LIMCH1: variants seen among roughly 807,000 people sequenced by gnomAD.
LIMCH1 encodes LIM and calponin homology domains 1, also known as LIM and calponin homology domains-containing protein 1.
LIMCH1 carries 113 observed loss-of-function variants against 176.5 expected under a neutral mutation model. That is an observed-to-expected ratio of 0.64 (90% CI 0.55 to 0.75). LIMCH1 has a LOEUF of 0.75. LIMCH1 is among the 30% of genes least tolerant of loss of function. LIMCH1 has a pLI of 0.00. For missense variants in LIMCH1, 1,674 were observed against 1,814.9 expected (o/e 0.92, Z 1.41); for synonymous variants, 619 against 645.9 (o/e 0.96, Z 0.63).
intron 2 of LIMCH1, among the ~76,000 whole-genome samples, chr4:41,507,845 A>G (rs1211827532): frequency 8.3e-6 from 1 of 120,170 alleles, no homozygotes; most frequent in Admixed American, 1.1e-4. Flanking sequence ...CAATCAAATC[A>G]TGTAATGGTG....
chr4:41,677,658 C>T (rs926816694), intron 23 of LIMCH1, among the ~76,000 whole-genome samples: 4 of 152,124 alleles, frequency 2.6e-5, no homozygotes, highest in African/African-American at 9.7e-5. Context: ...TCAAACAGCA[C>T]TTCAGAGTAT....
intron 1 of LIMCH1, among the ~76,000 whole-genome samples, chr4:41,546,892 C>T (rs1050309772): frequency 3.3e-5 from 5 of 151,844 alleles, no homozygotes; most frequent in East Asian, 1.9e-4. Context: ...AGGTTGAGAC[C>T]GAGATTGAGA....
chr4:41,662,784 T>C, intron 19 of LIMCH1, 37 bp from the exon 20 acceptor site: 1 of 1,609,870 alleles, frequency 6.2e-7, no homozygotes, highest in South Asian at 1.1e-5. Context: ...TGATTTTCTT[T>C]TCCTTCTGTA....
In LIMCH1 at chr4:41,653,487, C is replaced by A. The variant is rs548835848; in HGVS notation, c.3036+2879C>A. Among the ~76,000 whole-genome samples, 221 of 152,314 alleles carry A rather than the reference C, an allele frequency of 1.5e-3. 1 individual carries two copies. The highest frequency in any genetic ancestry group is 1.6e-3 in the Non-Finnish European group (107 of 68,026). ...CACTTGCCTGATTCTGTGGGGCTGTCAAAAGATTAGTGTTCTTCTTTTTAA... is the reference window on the plus strand; with the variant it reads ...CACTTGCCTGATTCTGTGGGGCTGTAAAAAGATTAGTGTTCTTCTTTTTAA... On this transcript the variant is annotated intron_variant, in intron 18 of 31. Coordinates refer to ENST00000503057, the MANE Select transcript of LIMCH1 (RefSeq NM_001330672.2).
At chr4:41,669,426 G>A (rs2094938678) in intron 21 of LIMCH1, among the ~76,000 whole-genome samples, 1 of 152,178 alleles carries the variant, frequency 6.6e-6, no homozygotes, top group Non-Finnish European at 1.5e-5. Context: ...ATGTTGTGGA[G>A]ATCGGGTTTT....
At chr4:41,540,225 A>AT (rs1392899118) in intron 1 of LIMCH1, among the ~76,000 whole-genome samples, 4 of 151,910 alleles carry the variant, frequency 2.6e-5, no homozygotes, top group African/African-American at 9.7e-5. Context: ...AAGAGTCTAG[A>AT]TTTTTTTTTC....
At position 41,685,762 on chromosome 4, in the gene LIMCH1, G is replaced by A. The variant is rs778194393; in HGVS notation, c.4020G>A (p.Val1340=). The change falls in exon 28 of 32, where the codon GTG becomes GTA. Residue 1340 remains valine, a synonymous_variant. Transcript: ENST00000503057. ...TSNPTHSSED[V]KPKTLPLDKS... ...ATCCAACGCACAGTTCAGAAGATGT[G>A]AAGCCAAAAACCCTCCCGCTGGATA... 1.2e-5 allele frequency: 20 copies of A among 1,613,512 alleles called. No individual in the cohort carries two copies. Among genetic ancestry groups the A allele is most frequent in the Middle Eastern group, 1.6e-4 (1 of 6,074 alleles).
At chr4:41,463,509 T>C (rs112343427) in intron 1 of LIMCH1, among the ~76,000 whole-genome samples, 1,993 of 152,086 alleles carry the variant, frequency 0.013, 48 homozygotes, top group African/African-American at 0.044. Flanking sequence ...AAATCTATCA[T>C]GAAAGCATCC....
At chr4:41,541,762 A>G (rs2078687860) in intron 1 of LIMCH1, among the ~76,000 whole-genome samples, 1 of 152,228 alleles carries the variant, frequency 6.6e-6, no homozygotes, top group Non-Finnish European at 1.5e-5. Flanking sequence ...TGACTGGGGC[A>G]TGTTTTACAT....
intron 1 of LIMCH1, among the ~76,000 whole-genome samples, chr4:41,420,141 G>A (rs574813716): frequency 1.3e-5 from 2 of 152,140 alleles, no homozygotes; most frequent in African/African-American, 4.8e-5. Context: ...GAGAAACTAT[G>A]GGAAATACTG....
chr4:41,581,153 T>C (rs565932210), intron 1 of LIMCH1, among the ~76,000 whole-genome samples: 2 of 151,844 alleles, frequency 1.3e-5, no homozygotes, highest in African/African-American at 4.8e-5. Flanking sequence ...TATCATCTAA[T>C]CAATCATCTG....
intron 2 of LIMCH1, among the ~76,000 whole-genome samples, chr4:41,498,847 CA>C (rs775231158): frequency 6.6e-6 from 1 of 151,268 alleles, no homozygotes; most frequent in Non-Finnish European, 1.5e-5. Context: ...TCTATAGGAT[CA>C]GGGGCTGGCA....
intron 2 of LIMCH1, chr4:41,599,230 G>C (rs909358569): frequency 7.4e-6 from 3 of 403,354 alleles, no homozygotes; most frequent in African/African-American, 2.0e-5. Flanking sequence ...ATCATTTTTT[G>C]AATGCAAAAT....
At chr4:41,406,289 C>T (rs1198770422) in intron 1 of LIMCH1, among the ~76,000 whole-genome samples, 1 of 152,134 alleles carries the variant, frequency 6.6e-6, no homozygotes, top group Non-Finnish European at 1.5e-5. Flanking sequence ...GAAAAGTCTA[C>T]TTTTAGAATT....
chr4:41,603,775 T>C (rs1409782514), intron 2 of LIMCH1, 100 bp from the exon 3 acceptor site: 1 of 774,060 alleles, frequency 1.3e-6, no homozygotes, highest in Admixed American at 2.2e-5. Flanking sequence ...GATTTCATTA[T>C]ATATGTTAGC....
chr4:41,629,865 T>G, intron 9 of LIMCH1, 131 bp downstream of exon 9: 1 of 1,078,638 alleles, frequency 9.3e-7, no homozygotes, highest in Non-Finnish European at 1.3e-6. Context: ...TGGAATATAG[T>G]GGCTTGATCA....
Position 41,620,482 on chromosome 4 carries a change from C to T in LIMCH1, c.517C>T (p.Pro173Ser), listed in dbSNP as rs1376910096. Residue 173 changes from proline to serine, a missense_variant, in exon 7 of 32, where the codon CCA (proline) becomes TCA (serine). By Grantham distance (74) the Pro-to-Ser change is moderately conservative. Transcript: ENST00000503057. The part of the protein sequence containing the change: ...SEVGSAGEDN[P>S]AGQMNPGWKP... Reference sequence around the variant, plus strand: ...AGTGGGGTCTGCTGGTGAAGACAACCCAGCTGGCCAAATGAATCCTGGTTG... The same window carrying T: ...AGTGGGGTCTGCTGGTGAAGACAACTCAGCTGGCCAAATGAATCCTGGTTG... 1.3e-6 allele frequency: 2 copies of T among 1,536,086 alleles called. No individual in the cohort carries two copies. The highest frequency in any genetic ancestry group is 2.7e-5 in the African/African-American group (2 of 73,016).
intron 21 of LIMCH1, 115 bp from the exon 22 acceptor site, chr4:41,671,436 ACAC>A: frequency 1.5e-6 from 1 of 677,752 alleles, no homozygotes; most frequent in Non-Finnish European, 2.6e-6. Flanking sequence ...ACACACACAC[ACAC>A]AAAATTGGTT....
At chr4:41,435,564 T>C (rs1230673466) in intron 1 of LIMCH1, among the ~76,000 whole-genome samples, 1 of 152,240 alleles carries the variant, frequency 6.6e-6, no homozygotes, top group Non-Finnish European at 1.5e-5. Flanking sequence ...ACATTGAAGC[T>C]ACAATTTCTT....
Sources: gnomAD v4.1 joint callset for allele counts (sites outside exome capture counted in the v4.1 genomes callset) on GRCh38, gnomAD v4.1.1 for gene constraint, MANE v1.5 for transcripts, NCBI Gene and HGNC (gene_info 2026-07-23, HGNC 2026-07-21) for gene names.